The following CTNND2 variants were observed in gnomAD, a reference collection of about 807,000 sequenced individuals.
CTNND2 encodes the protein catenin delta-2.
Under a neutral mutation model 144.4 loss-of-function variants are expected in CTNND2, and 22 were observed. That is an observed-to-expected ratio of 0.15 (90% CI 0.11 to 0.22). The LOEUF (loss-of-function observed/expected upper bound fraction) is 0.22. CTNND2 is among the 10% of genes least tolerant of loss of function. The probability of loss-of-function intolerance (pLI) is 1.00; values close to 1 mark genes in which losing one functional copy is unlikely to be tolerated. For synonymous variants in CTNND2, 751 were observed against 695.6 expected, an observed-to-expected ratio of 1.08 and a Z score of -1.25; for missense variants, 1,353 against 1,618.8, an observed-to-expected ratio of 0.84 and a Z score of 2.82.
intron 3 of CTNND2, among the ~76,000 whole-genome samples, chr5:11,429,133 TCCAC>T (rs1363501371): frequency 6.6e-6 from 1 of 152,022 alleles, no homozygotes; most frequent in Non-Finnish European, 1.5e-5. Context: ...AAAAGGAAAA[TCCAC>T]CCTTTTCAAG....
chr5:11,346,730 T>C (rs1561255592), intron 8 of CTNND2, 103 bp from the exon 9 acceptor site: 2 of 1,103,252 alleles, frequency 1.8e-6, no homozygotes, highest in Non-Finnish European at 2.4e-6. Flanking sequence ...ACATAAAAAA[T>C]AGGGGGTTCA....
At position 11,589,010 on chromosome 5, in the gene CTNND2, C is replaced by A. The variant is rs185866833; in HGVS notation, c.175-23954G>T. On this transcript the variant is annotated intron_variant, in intron 2 of 21. Coordinates refer to ENST00000304623, the MANE Select transcript of CTNND2 (RefSeq NM_001332.4). ...TCCTATGGTAATTTCTGCTTTCACT[C>A]GCAAACAGTTTAAAAGAAAGCAAAG... The A allele has an allele frequency of 8.1e-6, 8 of 985,318 alleles. No individual in the cohort carries two copies. In the East Asian group the frequency reaches 3.4e-4, roughly 42 times the overall value. The allele number at this position is 985,318 out of a possible 1,614,324, so 61.0% of individuals were successfully genotyped here. A position where few individuals can be genotyped will look rare whatever the true frequency, so the allele number is the denominator to read the frequency against.
intron 9 of CTNND2, among the ~76,000 whole-genome samples, chr5:11,266,116 CAAAAT>C (rs1467542142): frequency 1.3e-5 from 2 of 152,108 alleles, no homozygotes; most frequent in Admixed American, 6.5e-5. Context: ...CTTTAGTTGA[CAAAAT>C]AAAATAACTT....
intron 3 of CTNND2, among the ~76,000 whole-genome samples, chr5:11,442,287 G>A (rs898527695): frequency 6.6e-6 from 1 of 152,002 alleles, no homozygotes; most frequent in Non-Finnish European, 1.5e-5. Context: ...CAATAAAATA[G>A]TACATAGATA....
In CTNND2 at chr5:11,016,501, T is replaced by A. The variant is rs767780025; in HGVS notation, c.3084+1473A>T. ...CTGGCAAGATGGGTCTCATTCCCTATGATGTGAGCCCCTTACTGTGGTCCC... is the reference window on the plus strand; with the variant it reads ...CTGGCAAGATGGGTCTCATTCCCTAAGATGTGAGCCCCTTACTGTGGTCCC... On this transcript the variant is annotated intron_variant, in intron 18 of 21. Coordinates refer to ENST00000304623, the MANE Select transcript of CTNND2 (RefSeq NM_001332.4). 2.6e-5 allele frequency among the ~76,000 whole-genome samples: 4 copies of A among 152,146 alleles called. 1 individual carries two copies. The highest frequency in any genetic ancestry group is 1.3e-4 in the Admixed American group (2 of 15,282).
At position 11,346,555 on chromosome 5, in the gene CTNND2, G is replaced by T; in HGVS notation, c.1445C>A (p.Ala482Asp). 1 of 1,604,082 alleles carries T rather than the reference G, an allele frequency of 6.2e-7. No homozygotes were observed. The highest frequency in any genetic ancestry group is 8.5e-7 in the Non-Finnish European group (1 of 1,175,494). Reference protein sequence around the residue: ...TGSQHGPQNAAAATFQRASYA... With the variant: ...TGSQHGPQNADAATFQRASYA... The stretch of plus-strand genomic sequence containing the variant: ...GCTGGCCCTCTGGAAGGTGGCCGCG[G>T]CGGCATTCTGTGGGCCGTGCTGGCT... The change falls in exon 9 of 22, where the codon GCC becomes GAC. Residue 482 changes from alanine (A) to aspartate (D), a missense_variant. This residue lies in a region of CTNND2 where 708 missense variants were observed against 706.4 expected (regional missense o/e 1.00). Transcript: ENST00000304623.
chr5:11,857,289 C>A (rs1795295702), intron 1 of CTNND2, among the ~76,000 whole-genome samples: 1 of 152,176 alleles, frequency 6.6e-6, no homozygotes, highest in Middle Eastern at 3.4e-3. Flanking sequence ...TATCAAGGTA[C>A]AAAGCTCTGG....
intron 1 of CTNND2, among the ~76,000 whole-genome samples, chr5:11,867,840 T>C (rs1204850975): frequency 1.3e-5 from 2 of 151,624 alleles, no homozygotes; most frequent in African/African-American, 2.4e-5. Flanking sequence ...AATAATGTAC[T>C]ATTTATAAAT....
At chr5:11,462,700 G>T (rs1337267990) in intron 3 of CTNND2, among the ~76,000 whole-genome samples, 2 of 151,902 alleles carry the variant, frequency 1.3e-5, no homozygotes, top group African/African-American at 2.4e-5. Flanking sequence ...TGGGGTGCTC[G>T]AAAGTAACTT....
intron 9 of CTNND2, among the ~76,000 whole-genome samples, chr5:11,340,316 A>T (rs889870121): frequency 6.6e-6 from 1 of 152,170 alleles, no homozygotes; most frequent in African/African-American, 2.4e-5. Flanking sequence ...AAAGCTCATT[A>T]AAAAATGAGG....
chr5:11,827,643 A>G (rs573849670), intron 1 of CTNND2, among the ~76,000 whole-genome samples: 2 of 152,322 alleles, frequency 1.3e-5, no homozygotes, highest in Non-Finnish European at 2.9e-5. Context: ...GAAAATAAGG[A>G]ATTATTATTA....
At chr5:11,894,916 G>A (rs2126313813) in intron 1 of CTNND2, among the ~76,000 whole-genome samples, 1 of 152,268 alleles carries the variant, frequency 6.6e-6, no homozygotes, top group South Asian at 2.1e-4. Flanking sequence ...TTTGTTACAT[G>A]CCTACTACTA....
intron 2 of CTNND2, among the ~76,000 whole-genome samples, chr5:11,672,120 C>A (rs545088481): frequency 6.6e-6 from 1 of 152,330 alleles, no homozygotes; most frequent in East Asian, 1.9e-4. Context: ...GGCTGCAGAT[C>A]AGCAAAGATT....
chr5:11,371,449 G>C (rs1391909207), intron 7 of CTNND2, among the ~76,000 whole-genome samples: 1 of 152,146 alleles, frequency 6.6e-6, no homozygotes, highest in Non-Finnish European at 1.5e-5. Flanking sequence ...TCTCAAAGAA[G>C]GCACATTAAG....
At chr5:11,162,831 C>A (rs1370678540) in intron 11 of CTNND2, among the ~76,000 whole-genome samples, 1 of 151,716 alleles carries the variant, frequency 6.6e-6, no homozygotes, top group African/African-American at 2.4e-5. Context: ...AGATTTATAT[C>A]ATCTGGCAGG....
chr5:11,684,946 T>C (rs1397347418), intron 2 of CTNND2, among the ~76,000 whole-genome samples: 2 of 152,236 alleles, frequency 1.3e-5, no homozygotes, highest in African/African-American at 4.8e-5. Context: ...CCAATCCTTC[T>C]TCCCTCTACC....
chr5:11,089,477 G>A lies in CTNND2; in HGVS notation c.2638-6631C>T, dbSNP rs115704867. Among the ~76,000 whole-genome samples the A allele has an allele frequency of 6.0e-3, 919 of 152,288 alleles. 6 individuals carry two copies. The highest frequency in any genetic ancestry group is 0.021 in the African/African-American group (856 of 41,562). ...ATGTTTACCATATTGTAAGGGAAGA[G>A]ACCGAGTCATATTCATCTATTTATC... On this transcript the variant is annotated intron_variant, in intron 15 of 21. Transcript: ENST00000304623.
At chr5:11,652,784 T>A (rs926478642) in intron 2 of CTNND2, among the ~76,000 whole-genome samples, 1 of 152,178 alleles carries the variant, frequency 6.6e-6, no homozygotes, top group Non-Finnish European at 1.5e-5. Context: ...TATACATTAT[T>A]AACTATGGTT....
At chr5:11,230,931 C>T (rs2149885392) in intron 10 of CTNND2, among the ~76,000 whole-genome samples, 1 of 147,004 alleles carries the variant, frequency 6.8e-6, no homozygotes, top group African/African-American at 2.5e-5. Flanking sequence ...CCTCAGTTCA[C>T]CTCACTGCTG....
Sources: allele counts gnomAD v4.1 joint callset (sites outside exome capture counted in the v4.1 genomes callset), GRCh38; gene constraint gnomAD v4.1.1; regional missense constraint gnomAD v4.1.1; transcripts MANE v1.5; gene names NCBI Gene and HGNC (gene_info 2026-07-23, HGNC 2026-07-21).